Variants in ZNF83 observed in about 807,000 individuals in gnomAD.
The protein encoded by ZNF83 is zinc finger protein 83, also known as zinc finger protein 816B.
For synonymous variants in ZNF83, 209 were observed against 213.0 expected, an observed-to-expected ratio of 0.98 and a Z score of 0.17; for missense variants, 552 against 629.9, an observed-to-expected ratio of 0.88 and a Z score of 1.32.
At chr19:52,683,143 T>G in intron 1 of ZNF83, among the ~76,000 whole-genome samples, 1 of 152,230 alleles carries the variant, frequency 6.6e-6, no homozygotes, top group Non-Finnish European at 1.5e-5. Context: ...GTGCTGGCAT[T>G]ACAGGGGTGA....
At chr19:52,654,650 G>A (rs2061483711) in intron 3 of ZNF83, among the ~76,000 whole-genome samples, 1 of 152,160 alleles carries the variant, frequency 6.6e-6, no homozygotes, top group African/African-American at 2.4e-5. Context: ...CTAGGAGGCA[G>A]AGATTGCAGT....
intron 1 of ZNF83, among the ~76,000 whole-genome samples, chr19:52,684,214 TA>T (rs2147363933): frequency 1.3e-5 from 2 of 151,822 alleles, no homozygotes; most frequent in East Asian, 3.9e-4. Flanking sequence ...ACTAAAAACA[TA>T]AAAAGTAGCC....
At chr19:52,628,679 A>C (rs2060834053) in intron 2 of ZNF83, among the ~76,000 whole-genome samples, 1 of 151,692 alleles carries the variant, frequency 6.6e-6, no homozygotes, top group African/African-American at 2.4e-5. Context: ...AGGTGTAAGT[A>C]CCCCAACACC....
upstream of ZNF83, among the ~76,000 whole-genome samples, chr19:52,642,261 C>CT (rs869173970): frequency 3.1e-3 from 147 of 47,870 alleles, 10 homozygotes; most frequent in South Asian, 4.2e-3. Context: ...AGTATTGTAG[C>CT]TTTTTTTTTT....
rs2060247342 is a variant in ZNF83, at chr19:52,614,788, G to GA, written c.-225dup. 2 of 1,280,934 alleles carry GA rather than the reference G, an allele frequency of 1.6e-6. No homozygotes were observed. Among genetic ancestry groups the GA allele is most frequent in the Non-Finnish European group, 2.0e-6 (2 of 1,006,740 alleles). 79.3% of individuals were successfully genotyped at this position (1,280,934 alleles called of 1,614,324 possible). On this transcript the variant is annotated 5_prime_UTR_variant, in exon 3 of 3. The change abolishes the stop of an existing upstream ORF in the 5' untranslated region. Transcript: ENST00000301096. ...TGGTAATTCCTTGATCTCACATTTA[G>GA]AAAAAATACCTACAAGATATAAGGA...
intron 2 of ZNF83, among the ~76,000 whole-genome samples, chr19:52,623,599 C>T (rs760319540): frequency 1.3e-5 from 2 of 152,094 alleles, no homozygotes; most frequent in South Asian, 2.1e-4. Flanking sequence ...AACCCAAAGC[C>T]TCCTTCACGT....
intron 1 of ZNF83, among the ~76,000 whole-genome samples, chr19:52,669,098 T>C (rs879433627): frequency 6.6e-6 from 1 of 152,230 alleles, no homozygotes; most frequent in Admixed American, 6.5e-5. Context: ...AGCAGATGCA[T>C]AGTGGTATTA....
chr19:52,633,233 C>T (rs1429086013), intron 2 of ZNF83, among the ~76,000 whole-genome samples: 1 of 151,742 alleles, frequency 6.6e-6, no homozygotes, highest in African/African-American at 2.4e-5. Context: ...AGAGAACAAC[C>T]CCCCTTTTTC....
At chr19:52,631,828 C>A (rs547294197) in intron 2 of ZNF83, among the ~76,000 whole-genome samples, 3,753 of 141,530 alleles carry the variant, frequency 0.027, 135 homozygotes, top group African/African-American at 0.081. Context: ...GCCACTAGCC[C>A]GCCTCTTAGA....
At chr19:52,645,879 AT>A (rs1466676431) in intron 3 of ZNF83, among the ~76,000 whole-genome samples, 3 of 151,694 alleles carry the variant, frequency 2.0e-5, no homozygotes, top group African/African-American at 4.8e-5. Context: ...AAGTAAATCT[AT>A]TACACAAGAG....
chr19:52,659,229 G>A (rs7245929), intron 2 of ZNF83, among the ~76,000 whole-genome samples: 71,960 of 151,724 alleles, frequency 0.47, 17,425 homozygotes, highest in East Asian at 0.59. Context: ...CGTGAGGACC[G>A]CCCTCTTGAG....
At chr19:52,661,384 C>T (rs2061578147) in intron 1 of ZNF83, among the ~76,000 whole-genome samples, 1 of 152,120 alleles carries the variant, frequency 6.6e-6, no homozygotes, top group Admixed American at 6.6e-5. Flanking sequence ...GGGCACAGAC[C>T]TTCAGGACAC....
intron 2 of ZNF83, among the ~76,000 whole-genome samples, chr19:52,628,471 G>C (rs1030276086): frequency 6.6e-6 from 1 of 152,056 alleles, no homozygotes; most frequent in African/African-American, 2.4e-5. Flanking sequence ...TTCTGGTAGA[G>C]ACAAAGGAGA....
chr19:52,632,664 G>A (rs56071964), intron 2 of ZNF83, among the ~76,000 whole-genome samples: 121,225 of 151,726 alleles, frequency 0.8, 49,104 homozygotes, highest in African/African-American at 0.94. Flanking sequence ...TTACTGGCAA[G>A]GCTATGCTGA....
chr19:52,675,588 T>C (rs1042137121), intron 1 of ZNF83, among the ~76,000 whole-genome samples: 10 of 152,062 alleles, frequency 6.6e-5, no homozygotes, highest in Non-Finnish European at 7.4e-5. Context: ...GAGAGTGGTG[T>C]TGGAGGGGAT....
chr19:52,620,282 GTGTGTGTGTGTATA>G (rs2060495328), intron 2 of ZNF83, among the ~76,000 whole-genome samples: 1 of 151,634 alleles, frequency 6.6e-6, no homozygotes, highest in Admixed American at 6.6e-5. Flanking sequence ...GTGTGTGTGT[GTGTGTGTGTGTATA>G]TATAGTTTCC....
intron 2 of ZNF83, among the ~76,000 whole-genome samples, chr19:52,632,002 T>C (rs1203481552): frequency 6.6e-6 from 1 of 151,998 alleles, no homozygotes; most frequent in Non-Finnish European, 1.5e-5. Flanking sequence ...AAATTAGCTT[T>C]ACTCAACGTG....
intron 2 of ZNF83, among the ~76,000 whole-genome samples, chr19:52,627,225 GAC>G (rs2060775686): frequency 6.6e-6 from 1 of 152,098 alleles, no homozygotes; most frequent in African/African-American, 2.4e-5. Flanking sequence ...TTCTTTTTCA[GAC>G]CCAGTCTGCC....
At chr19:52,681,928 A>G (rs1344031179) in intron 1 of ZNF83, among the ~76,000 whole-genome samples, 1 of 152,170 alleles carries the variant, frequency 6.6e-6, no homozygotes, top group African/African-American at 2.4e-5. Flanking sequence ...GCTCACTGCA[A>G]CCTCGTTTGC....
Sources: allele counts gnomAD v4.1 joint callset (sites outside exome capture counted in the v4.1 genomes callset), GRCh38; gene constraint gnomAD v4.1.1; transcripts MANE v1.5; gene names NCBI Gene and HGNC (gene_info 2026-07-23, HGNC 2026-07-21).